Variants in BIN1 observed in about 807,000 individuals in gnomAD.
BIN1 encodes myc box-dependent-interacting protein 1.
A neutral mutation model predicts 82.0 loss-of-function variants in BIN1; 53 were observed. The ratio of observed to expected loss-of-function variants is 0.65; its 90% CI spans 0.52 to 0.81. BIN1 has a LOEUF of 0.81. Ranked by LOEUF, BIN1 falls within the 40% of genes least tolerant of loss-of-function variation. BIN1 has a pLI of 0.00. For missense variants in BIN1, 642 were observed against 784.4 expected, an observed-to-expected ratio of 0.82 and a Z score of 2.17; for synonymous variants, 302 against 328.0, an observed-to-expected ratio of 0.92 and a Z score of 0.86.
chr2:127,079,522 A>G (rs1687034525), intron 1 of BIN1, among the ~76,000 whole-genome samples: 2 of 152,226 alleles, frequency 1.3e-5, no homozygotes, highest in African/African-American at 4.8e-5. Flanking sequence ...CGCACACTCT[A>G]CCTGCACATG....
At chr2:127,098,945 C>A (rs1679942345) in intron 1 of BIN1, among the ~76,000 whole-genome samples, 1 of 152,238 alleles carries the variant, frequency 6.6e-6, no homozygotes, top group African/African-American at 2.4e-5. Context: ...AGGTTAGGCC[C>A]CACCACAGCC....
At chr2:127,088,778 G>A (rs1284661946) in intron 1 of BIN1, among the ~76,000 whole-genome samples, 3 of 152,038 alleles carry the variant, frequency 2.0e-5, no homozygotes, top group African/African-American at 7.2e-5. Flanking sequence ...AGGGCTGGGG[G>A]TGAGGGGAGA....
chr2:127,085,852 G>A (rs555761179), intron 1 of BIN1, among the ~76,000 whole-genome samples: 2 of 152,316 alleles, frequency 1.3e-5, no homozygotes, highest in South Asian at 4.1e-4. Flanking sequence ...GTGGTGGCAG[G>A]AGGGGCTGGC....
chr2:127,101,802 C>G (rs1680383274), intron 1 of BIN1, among the ~76,000 whole-genome samples: 1 of 152,176 alleles, frequency 6.6e-6, no homozygotes, highest in African/African-American at 2.4e-5. Context: ...GTACACTGCA[C>G]CCACACACAT....
rs1247105686 is a variant in BIN1, at chr2:127,068,908, C to A, written c.519+16G>T. ...GCCCCCTGCAGACGCTGCCCCGACC[C>A]GCCTCCAGCCCTTACCTTGGCAATT... On this transcript the variant is annotated intron_variant, in intron 6 of 18. Coordinates refer to ENST00000316724, the MANE Select transcript of BIN1 (RefSeq NM_139343.3). The surrounding 1 kb of genome is among the most constrained non-coding windows in gnomAD (Gnocchi z 4.9). The A allele has an allele frequency of 1.2e-6, 2 of 1,610,804 alleles. No individual in the cohort carries two copies. The highest frequency in any genetic ancestry group is 2.2e-5 in the South Asian group (2 of 91,006).
chr2:127,065,274 T>A (rs1207242304), intron 7 of BIN1, among the ~76,000 whole-genome samples: 1 of 151,894 alleles, frequency 6.6e-6, no homozygotes, highest in Non-Finnish European at 1.5e-5. Flanking sequence ...CTTTTCAGAA[T>A]CTAATAAAAA....
chr2:127,076,832 A>G (rs893438982), intron 1 of BIN1, 126 bp from the exon 2 acceptor site: 82 of 1,074,268 alleles, frequency 7.6e-5, no homozygotes, highest in Non-Finnish European at 1.1e-4. Flanking sequence ...CACCCAGCCC[A>G]GGGTGCCCAC....
chr2:127,059,229 G>T lies in BIN1; in HGVS notation c.858-74C>A. 6.8e-7 allele frequency: 1 copy of T among 1,476,236 alleles called. No homozygotes were observed. The allele number at this position is 1,476,236 out of a possible 1,614,324, so 91.4% of individuals were successfully genotyped here. A position where few individuals can be genotyped will look rare whatever the true frequency, so the allele number is the denominator to read the frequency against. On this transcript the variant is annotated intron_variant, in intron 10 of 18. Coordinates refer to ENST00000316724, the MANE Select transcript of BIN1 (RefSeq NM_139343.3). The surrounding 1 kb of genome is among the most constrained non-coding windows in gnomAD (Gnocchi z 6.7). ...CAGGAGACGGAGGGGCAAATGTATT[G>T]ACGTCTGTGTGAAGAGGTGTGTGCA...
Position 127,093,881 on chromosome 2 carries a change from G to C in BIN1, c.84+12979C>G, listed in dbSNP as rs1277673422. On this transcript the variant is annotated intron_variant, in intron 1 of 18. Coordinates refer to ENST00000316724, the MANE Select transcript of BIN1 (RefSeq NM_139343.3). This position sits in a 1 kb window ranked among gnomAD's most constrained non-coding sequence, Gnocchi z 5.7. Reference sequence around the variant, plus strand: ...GCCCTACCATCTGGATCCTGAGCTAGGCCTGGACTCCCTGGACTCCTCCAG... The same window carrying C: ...GCCCTACCATCTGGATCCTGAGCTACGCCTGGACTCCCTGGACTCCTCCAG... Among the ~76,000 whole-genome samples the C allele has an allele frequency of 6.6e-6, 1 of 152,154 alleles. No individual in the cohort carries two copies. Among genetic ancestry groups the C allele is most frequent in the African/African-American group, 2.4e-5 (1 of 41,434 alleles).
At chr2:127,069,480 C>T (rs78146168) in intron 5 of BIN1, among the ~76,000 whole-genome samples, 28,174 of 152,070 alleles carry the variant, frequency 0.19, 2,741 homozygotes, top group Middle Eastern at 0.22. Flanking sequence ...GGGGACCACT[C>T]GCCTCGGTGG....
Position 127,050,832 on chromosome 2 carries a change from G to A in BIN1, c.1542C>T (p.Arg514=). 6.2e-7 allele frequency: 1 copy of A among 1,613,692 alleles called. No individual in the cohort carries two copies. The highest frequency in any genetic ancestry group is 2.2e-5 in the East Asian group (1 of 44,872). ...GTVEGGSGAG[R]LDLPPGFMFK... ...ACATGAAACCTGGGGGCAGGTCCAAGCGCCCGGCCCCACTGCCGCCCTCCA... is the reference window on the plus strand; with the variant it reads ...ACATGAAACCTGGGGGCAGGTCCAAACGCCCGGCCCCACTGCCGCCCTCCA... Residue 514 remains arginine (R), a synonymous_variant, in exon 17 of 19, where the codon CGC becomes CGT. Transcript: ENST00000316724.
At chr2:127,063,020 C>T (rs374621228) in intron 9 of BIN1, among the ~76,000 whole-genome samples, 1 of 152,128 alleles carries the variant, frequency 6.6e-6, no homozygotes, top group African/African-American at 2.4e-5. Flanking sequence ...GGGTGCCAGC[C>T]CTGGGTCTCT....
At chr2:127,070,959 G>T in intron 2 of BIN1, 143 bp from the exon 3 acceptor site, 1 of 796,446 alleles carries the variant, frequency 1.3e-6, no homozygotes. Flanking sequence ...CAACAGGACA[G>T]CAGCTACGGT....
intron 1 of BIN1, among the ~76,000 whole-genome samples, chr2:127,104,403 C>T (rs1311600458): frequency 6.6e-6 from 1 of 152,138 alleles, no homozygotes; most frequent in Admixed American, 6.6e-5. Context: ...ACACTGTCAC[C>T]CTCACAGTCT....
chr2:127,102,658 C>G (rs1680501921), intron 1 of BIN1, among the ~76,000 whole-genome samples: 1 of 152,220 alleles, frequency 6.6e-6, no homozygotes. Context: ...CCATCCAGGG[C>G]CCCTGGGGGA....
Position 127,082,316 on chromosome 2 carries a change from G to A in BIN1, c.85-5610C>T, listed in dbSNP as rs529712967. On this transcript the variant is annotated intron_variant, in intron 1 of 18. Transcript: ENST00000316724. The surrounding 1 kb of genome is among the most constrained non-coding windows in gnomAD (Gnocchi z 6.1). ...CAGGGCTGGCCTCGGGGATCTTTCC[G>A]CCCTCATGCTCCAGGGGCCCCTGCA... 6.8e-4 allele frequency among the ~76,000 whole-genome samples: 103 copies of A among 152,274 alleles called. 1 individual carries two copies. Among genetic ancestry groups the A allele is most frequent in the African/African-American group, 2.4e-3 (98 of 41,558 alleles).
At chr2:127,063,260 T>A (rs1354693048) in intron 9 of BIN1, among the ~76,000 whole-genome samples, 1 of 152,198 alleles carries the variant, frequency 6.6e-6, no homozygotes, top group Admixed American at 6.5e-5. Context: ...TGTCTAACAC[T>A]GCACTCCCTG....
At position 127,095,591 on chromosome 2, in the gene BIN1, A is replaced by C. The variant is rs117475536; in HGVS notation, c.84+11269T>G. On this transcript the variant is annotated intron_variant, in intron 1 of 18. Transcript: ENST00000316724. The stretch of plus-strand genomic sequence containing the variant: ...ACAATGAAGACATCTGCACCTTAAC[A>C]GTCCCTTCCAAGCTCTTCTTACCAC... Among the ~76,000 whole-genome samples, 110 of 152,304 alleles carry C rather than the reference A, an allele frequency of 7.2e-4. 2 individuals are homozygous for C. The East Asian group carries it at 0.021, about 29-fold the overall frequency.
chr2:127,095,532 C>A (rs1219351714), intron 1 of BIN1, among the ~76,000 whole-genome samples: 1 of 152,230 alleles, frequency 6.6e-6, no homozygotes, highest in Non-Finnish European at 1.5e-5. Context: ...TGTTCCCCAA[C>A]AAAGGCAGCC....
Sources: allele counts gnomAD v4.1 joint callset (sites outside exome capture counted in the v4.1 genomes callset), GRCh38; gene constraint gnomAD v4.1.1; non-coding constraint Gnocchi (gnomAD v3.1); transcripts MANE v1.5; gene names NCBI Gene and HGNC (gene_info 2026-07-23, HGNC 2026-07-21).